The following PTPRD variants were observed in gnomAD, a reference collection of about 807,000 sequenced individuals.
PTPRD encodes the protein protein tyrosine phosphatase receptor type D, also known as receptor-type tyrosine-protein phosphatase delta.
A neutral mutation model predicts 214.5 loss-of-function variants in PTPRD; 34 were observed. The observed-to-expected ratio is 0.16, with a 90% CI of 0.12 to 0.21. PTPRD has a LOEUF of 0.21. Ranked by LOEUF, PTPRD falls within the 10% of genes least tolerant of loss-of-function variation. The pLI is 1.00. For missense variants in PTPRD, 2,545 were observed against 2,398.7 expected, an observed-to-expected ratio of 1.06 and a Z score of -1.27; for synonymous variants, 1,128 against 845.7, an observed-to-expected ratio of 1.33 and a Z score of -5.79.
chr9:10,536,568 T>C (rs1476337993), intron 2 of PTPRD, among the ~76,000 whole-genome samples: 5 of 152,262 alleles, frequency 3.3e-5, no homozygotes. Flanking sequence ...CCATTACAAG[T>C]AGAGTTAGAA....
chr9:10,401,980 C>G (rs1325777324), intron 2 of PTPRD, among the ~76,000 whole-genome samples: 1 of 150,998 alleles, frequency 6.6e-6, no homozygotes, highest in Non-Finnish European at 1.5e-5. Context: ...AGATACAGCA[C>G]TGGAATAAAA....
At chr9:9,885,663 G>T (rs1397247362) in intron 5 of PTPRD, among the ~76,000 whole-genome samples, 3 of 152,036 alleles carry the variant, frequency 2.0e-5, no homozygotes, top group African/African-American at 7.2e-5. Context: ...AAAGAGGTTG[G>T]CATGCTATGG....
chr9:10,153,763 A>G (rs182241075), intron 3 of PTPRD, among the ~76,000 whole-genome samples: 1 of 152,012 alleles, frequency 6.6e-6, no homozygotes. Flanking sequence ...GCTCCCACTT[A>G]TAAATTAGAA....
At chr9:9,486,465 C>A (rs535676873) in intron 8 of PTPRD, among the ~76,000 whole-genome samples, 1 of 152,238 alleles carries the variant, frequency 6.6e-6, no homozygotes, top group South Asian at 2.1e-4. Flanking sequence ...AAATTCCCTT[C>A]TTGAAATATT....
chr9:10,383,569 C>T (rs1414429363), intron 2 of PTPRD, among the ~76,000 whole-genome samples: 1 of 151,626 alleles, frequency 6.6e-6, no homozygotes, highest in East Asian at 1.9e-4. Flanking sequence ...TTTTAACTCA[C>T]TTTTCTTTTT....
chr9:10,254,931 T>G (rs2093123516), intron 3 of PTPRD, among the ~76,000 whole-genome samples: 1 of 152,202 alleles, frequency 6.6e-6, no homozygotes, highest in African/African-American at 2.4e-5. Flanking sequence ...GAAATCCAAA[T>G]ATATATTACA....
chr9:10,183,695 A>C (rs2099313890), intron 3 of PTPRD, among the ~76,000 whole-genome samples: 1 of 152,338 alleles, frequency 6.6e-6, no homozygotes, highest in Admixed American at 6.5e-5. Context: ...ATGAAAAAGT[A>C]AGTGAAGGGG....
intron 3 of PTPRD, among the ~76,000 whole-genome samples, chr9:10,250,030 A>G (rs1277984877): frequency 3.1e-5 from 3 of 96,530 alleles, no homozygotes; most frequent in African/African-American, 8.4e-5. Flanking sequence ...AAATTTGTCT[A>G]AAATGAATAT....
At chr9:9,645,429 T>C (rs117962902) in intron 7 of PTPRD, among the ~76,000 whole-genome samples, 1 of 149,324 alleles carries the variant, frequency 6.7e-6, no homozygotes, top group Non-Finnish European at 1.5e-5. Context: ...TTTTTTTCAT[T>C]ATAATTATCA....
At chr9:8,524,341 T>A (rs1379300596) in intron 18 of PTPRD, among the ~76,000 whole-genome samples, 1 of 152,188 alleles carries the variant, frequency 6.6e-6, no homozygotes, top group African/African-American at 2.4e-5. Context: ...GGTGTACATA[T>A]GTGCACATAT....
At chr9:10,429,271 A>G (rs2098654677) in intron 2 of PTPRD, among the ~76,000 whole-genome samples, 1 of 151,944 alleles carries the variant, frequency 6.6e-6, no homozygotes, top group Admixed American at 6.6e-5. Context: ...GAAAAAAAGT[A>G]TGAAGAGTTC....
chr9:8,787,128 G>A (rs28454697), intron 11 of PTPRD, among the ~76,000 whole-genome samples: 8,694 of 152,086 alleles, frequency 0.057, 542 homozygotes, highest in African/African-American at 0.15. Flanking sequence ...GAGCCACTAC[G>A]CCTGACCTGA....
intron 37 of PTPRD, among the ~76,000 whole-genome samples, chr9:8,383,411 G>A (rs188584807): frequency 5.9e-5 from 9 of 152,170 alleles, no homozygotes; most frequent in African/African-American, 1.7e-4. Context: ...CAGTCTCTTT[G>A]GCCCTGACAG....
At chr9:9,646,876 T>C (rs184217003) in intron 7 of PTPRD, among the ~76,000 whole-genome samples, 156 of 152,300 alleles carry the variant, frequency 1.0e-3, no homozygotes, top group African/African-American at 3.7e-3. Context: ...AATGTGGTCT[T>C]TCTCTCTCTC....
chr9:8,429,055 G>C (rs181497060), intron 35 of PTPRD, among the ~76,000 whole-genome samples: 66 of 152,310 alleles, frequency 4.3e-4, no homozygotes, highest in Middle Eastern at 3.4e-3. Context: ...TGCGTCCTTA[G>C]CATGTCATAG....
chr9:8,667,048 A>C (rs1344234326), intron 12 of PTPRD, among the ~76,000 whole-genome samples: 1 of 152,208 alleles, frequency 6.6e-6, no homozygotes. Flanking sequence ...GTTTGAAACA[A>C]AACCAGAAGG....
rs962080953 is a variant in PTPRD, at chr9:10,092,778, G to C, written c.-544-58988C>G. ...ACATACAGACCAACAGAACAGACTAGAGAGCCCAGCAATAAAGTCACATAC... is the reference window on the plus strand; with the variant it reads ...ACATACAGACCAACAGAACAGACTACAGAGCCCAGCAATAAAGTCACATAC... On this transcript the variant is annotated intron_variant, in intron 3 of 45. Coordinates refer to ENST00000381196, the MANE Select transcript of PTPRD (RefSeq NM_002839.4). Among the ~76,000 whole-genome samples, 46 of 151,482 alleles carry C rather than the reference G, an allele frequency of 3.0e-4. 1 individual carries two copies. The highest frequency in any genetic ancestry group is 1.0e-3 in the African/African-American group (43 of 41,424).
At position 10,336,281 on chromosome 9, in the gene PTPRD, T is replaced by G. The variant is rs539718237; in HGVS notation, c.-545+4682A>C. Among the ~76,000 whole-genome samples, 11 of 151,800 alleles carry G rather than the reference T, an allele frequency of 7.2e-5. No individual in the cohort carries two copies. In the South Asian group the frequency reaches 2.1e-3, roughly 29 times the overall value. ...ATACTAAATAAGTGAAAGACTTACC[T>G]GAGATTCAGAAAGGCTGAATCTCAG... On this transcript the variant is annotated intron_variant, in intron 3 of 45. Coordinates refer to ENST00000381196, the MANE Select transcript of PTPRD (RefSeq NM_002839.4).
At chr9:8,784,478 G>A (rs904707335) in intron 11 of PTPRD, among the ~76,000 whole-genome samples, 1 of 152,092 alleles carries the variant, frequency 6.6e-6, no homozygotes, top group African/African-American at 2.4e-5. Context: ...CAAGGATCCT[G>A]GCATAGAGAA....
Sources: gnomAD v4.1 joint callset for allele counts (sites outside exome capture counted in the v4.1 genomes callset) on GRCh38, gnomAD v4.1.1 for gene constraint, MANE v1.5 for transcripts, NCBI Gene and HGNC (gene_info 2026-07-23, HGNC 2026-07-21) for gene names.